TNPO1: variants seen among roughly 807,000 people sequenced by gnomAD.
The protein encoded by TNPO1 is transportin 1, also known as transportin-1.
Under a neutral mutation model 119.5 loss-of-function variants are expected in TNPO1, and 8 were observed. The observed-to-expected ratio is 0.07, with a 90% CI of 0.04 to 0.12. The LOEUF (loss-of-function observed/expected upper bound fraction) is 0.12, where lower values mean the gene tolerates loss of function less well. TNPO1 is among the 10% of genes least tolerant of loss of function. The probability of loss-of-function intolerance (pLI) is 1.00; values close to 1 mark genes in which losing one functional copy is unlikely to be tolerated. For missense variants in TNPO1, 576 were observed against 1,089.8 expected, an observed-to-expected ratio of 0.53 and a Z score of 6.64; for synonymous variants, 362 against 363.0, an observed-to-expected ratio of 1.00 and a Z score of 0.03.
chr5:72,893,236 C>G lies in TNPO1; in HGVS notation c.1886C>G (p.Ala629Gly). 1.9e-6 allele frequency: 3 copies of G among 1,612,204 alleles called. No homozygotes were observed. The South Asian group carries it at 3.3e-5, about 18-fold the overall frequency. ...GTAAACCTAGTACAGAAGACTCTTG[C>G]ACAAGCCATGGTAATTTTTTTAAAA... ...RCVNLVQKTL[A>G]QAMLNNAQPD... The change falls in exon 16 of 25, where the codon GCA becomes GGA. Residue 629 changes from alanine (A) to glycine (G), a missense_variant. Physicochemically the swap from Ala to Gly is moderately conservative, Grantham distance 60. Transcript: ENST00000337273.
intron 24 of TNPO1, among the ~76,000 whole-genome samples, chr5:72,908,399 A>T (rs1054239287): frequency 2.6e-5 from 4 of 152,178 alleles, no homozygotes; most frequent in Admixed American, 2.0e-4. Context: ...GCAAAAGGGG[A>T]TAAAGAATTA....
intron 4 of TNPO1, among the ~76,000 whole-genome samples, chr5:72,856,927 A>G (rs777028283): frequency 1.3e-5 from 2 of 152,202 alleles, no homozygotes; most frequent in African/African-American, 2.4e-5. Context: ...TTAGTATACC[A>G]TGGGCTTAAG....
intron 9 of TNPO1, 149 bp from the exon 10 acceptor site, chr5:72,882,318 T>G: frequency 4.4e-6 from 2 of 459,642 alleles, no homozygotes; most frequent in Non-Finnish European, 7.6e-6. Flanking sequence ...CTTCAGTTAA[T>G]GAGAGCAGAC....
intron 19 of TNPO1, 64 bp downstream of exon 19, chr5:72,896,620 A>G: frequency 3.0e-6 from 4 of 1,334,434 alleles, no homozygotes; most frequent in Non-Finnish European, 4.2e-6. Context: ...CTGTAATCCC[A>G]GCACTTCGGG....
At chr5:72,897,863 AT>A (rs1749546991) in intron 20 of TNPO1, among the ~76,000 whole-genome samples, 1 of 152,088 alleles carries the variant, frequency 6.6e-6, no homozygotes, top group Admixed American at 6.6e-5. Context: ...TTATAATTCA[AT>A]GAGTATTCTA....
intron 4 of TNPO1, 42 bp downstream of exon 4, chr5:72,855,965 T>G (rs762375143): frequency 6.3e-7 from 1 of 1,595,532 alleles, no homozygotes; most frequent in Non-Finnish European, 8.6e-7. Context: ...TGTTTGTAAC[T>G]GGGTCATTTT....
At chr5:72,876,686 CAT>C (rs1347629468) in intron 8 of TNPO1, among the ~76,000 whole-genome samples, 19 of 151,962 alleles carry the variant, frequency 1.3e-4, no homozygotes, top group Non-Finnish European at 2.6e-4. Context: ...TCAGTAGTAT[CAT>C]AAAAAAACTA....
intron 1 of TNPO1, among the ~76,000 whole-genome samples, chr5:72,823,501 C>T (rs1334021609): frequency 2.0e-5 from 3 of 152,170 alleles, no homozygotes; most frequent in Non-Finnish European, 2.9e-5. Flanking sequence ...GTTACCGCTT[C>T]TTCCTATTTT....
intron 1 of TNPO1, chr5:72,848,100 G>T (rs1451319184): frequency 1.8e-6 from 2 of 1,115,194 alleles, no homozygotes; most frequent in Non-Finnish European, 2.2e-6. Flanking sequence ...GGATCTTGGG[G>T]CCAGATTGCA....
intron 10 of TNPO1, 100 bp from the exon 11 acceptor site, chr5:72,882,964 G>A: frequency 1.2e-6 from 1 of 851,266 alleles, no homozygotes; most frequent in Non-Finnish European, 1.9e-6. Context: ...TCAGAATTCT[G>A]TGCATGACCC....
chr5:72,866,239 T>A (rs2004745), intron 6 of TNPO1, among the ~76,000 whole-genome samples: 6,320 of 152,288 alleles, frequency 0.042, 163 homozygotes, highest in Non-Finnish European at 0.062. Context: ...TGTTCCCATC[T>A]TTATGTCGAG....
At chr5:72,900,150 G>A in intron 21 of TNPO1, 69 bp downstream of exon 21, 3 of 1,367,090 alleles carry the variant, frequency 2.2e-6, no homozygotes, top group Non-Finnish European at 3.1e-6. Flanking sequence ...CTCACTTTTA[G>A]ATATATTTTC....
chr5:72,820,669 T>G lies in TNPO1; in HGVS notation c.15+3917T>G, dbSNP rs538005169. Among the ~76,000 whole-genome samples, 8 of 152,328 alleles carry G rather than the reference T, an allele frequency of 5.3e-5. No homozygotes were observed. In the East Asian group the frequency reaches 1.3e-3, roughly 26 times the overall value. ...AGCCTGAATCTGAATCTAGATCTGC[T>G]TGACTGCAAAGCTCATCATGCTGTT... is the stretch of plus-strand genomic sequence containing the variant. On this transcript the variant is annotated intron_variant, in intron 1 of 24. Transcript: ENST00000337273.
rs768339743 is a variant in TNPO1 at position 72,889,844 on chromosome 5, A to G, written c.1588A>G (p.Ile530Val). 2 of 1,613,038 alleles carry G rather than the reference A, an allele frequency of 1.2e-6. No homozygotes were observed. Among genetic ancestry groups the G allele is most frequent in the Non-Finnish European group, 1.7e-6 (2 of 1,179,742 alleles). ...CTELVPYLAY[I>V]LDTLVFAFSK... The stretch of plus-strand genomic sequence containing the variant: ...AGAACTTGTTCCTTACCTTGCTTAT[A>G]TACTTGATACCCTGGTCTTTGCATT... Residue 530 changes from isoleucine to valine, a missense_variant, in exon 14 of 25, where the codon ATA becomes GTA. Ile to Val is a conservative substitution (Grantham distance 29). Coordinates refer to ENST00000337273, the MANE Select transcript of TNPO1 (RefSeq NM_002270.4).
chr5:72,843,887 C>T (rs1171335535), intron 1 of TNPO1, among the ~76,000 whole-genome samples: 2 of 152,174 alleles, frequency 1.3e-5, no homozygotes, highest in Non-Finnish European at 2.9e-5. Flanking sequence ...TTGTACTTTA[C>T]CATATACTTT....
chr5:72,858,824 G>T (rs1411166659), intron 4 of TNPO1, among the ~76,000 whole-genome samples: 1 of 151,170 alleles, frequency 6.6e-6, no homozygotes, highest in Non-Finnish European at 1.5e-5. Context: ...ATGACAGAGT[G>T]AGACTCCGTC....
chr5:72,895,441 T>C (rs542199228), intron 18 of TNPO1, among the ~76,000 whole-genome samples: 6 of 152,232 alleles, frequency 3.9e-5, no homozygotes, highest in Admixed American at 3.9e-4. Context: ...CGGGGAACAT[T>C]TGCCAGTGTC....
intron 5 of TNPO1, among the ~76,000 whole-genome samples, chr5:72,862,638 C>A (rs1452450196): frequency 1.3e-5 from 2 of 151,302 alleles, no homozygotes; most frequent in Non-Finnish European, 3.0e-5. Context: ...AACTTGTCTT[C>A]GTTTTTTTTG....
At chr5:72,859,056 T>C (rs1460729645) in intron 4 of TNPO1, among the ~76,000 whole-genome samples, 3 of 152,156 alleles carry the variant, frequency 2.0e-5, no homozygotes, top group African/African-American at 7.2e-5. Context: ...AATAATTTTT[T>C]GGAGTTTCTG....
Sources: allele counts gnomAD v4.1 joint callset (sites outside exome capture counted in the v4.1 genomes callset), GRCh38; gene constraint gnomAD v4.1.1; transcripts MANE v1.5; gene names NCBI Gene and HGNC (gene_info 2026-07-23, HGNC 2026-07-21).